The following ZNF770 variants were observed in gnomAD, a reference collection of about 807,000 sequenced individuals.
The protein encoded by ZNF770 is zinc finger protein 770.
ZNF770 carries 13 observed loss-of-function variants against 44.8 expected under a neutral mutation model. The observed-to-expected ratio is 0.29, with a 90% CI of 0.19 to 0.46. ZNF770 has a LOEUF of 0.46. Ranked by LOEUF, ZNF770 falls within the 20% of genes least tolerant of loss-of-function variation. The pLI is 1.00. For missense variants in ZNF770, 681 were observed against 797.9 expected (o/e 0.85, Z 1.77); for synonymous variants, 304 against 271.8 (o/e 1.12, Z -1.17).
In ZNF770 at chr15:34,980,857, CA is replaced by C. The variant is rs35830261; in HGVS notation, c.*501del. 0.24 allele frequency: 31,170 copies of C among 129,242 alleles called. 3,474 individuals are homozygous for C. The highest frequency in any genetic ancestry group is 0.33 in the African/African-American group (12,670 of 38,820). 8.0% of individuals were successfully genotyped at this position (129,242 alleles called of 1,614,324 possible). On this transcript the variant is annotated 3_prime_UTR_variant, in exon 3 of 3. Transcript: ENST00000356321. ...GTGTCTCTGTAGTTTTTTTAACTTA[CA>C]AAAAAAAAAAAAAAATTACCAATGC...
chr15:34,984,224 A>T (rs1053586523), intron 2 of ZNF770, among the ~76,000 whole-genome samples: 1 of 152,248 alleles, frequency 6.6e-6, no homozygotes, highest in Admixed American at 6.5e-5. Flanking sequence ...ATGTGCTAAA[A>T]AACAGTGAAG....
chr15:34,986,904 C>T (rs1330037545), intron 2 of ZNF770, among the ~76,000 whole-genome samples: 1 of 152,220 alleles, frequency 6.6e-6, no homozygotes, highest in Non-Finnish European at 1.5e-5. Context: ...AGGGCAAGTC[C>T]TTGACTGCAA....
Position 34,987,682 on chromosome 15 carries a change from AACAC to A in ZNF770, c.-173-13_-173-10del, listed in dbSNP as rs2050444191. The stretch of plus-strand genomic sequence containing the variant: ...AACAAGAAATGAAAGACCTAAGAGA[AACAC>A]ACACAACTTTCAGTTGGGGAATAAT... On this transcript the variant is annotated splice_polypyrimidine_tract_variant and intron_variant, in intron 1 of 2. Coordinates refer to ENST00000356321, the MANE Select transcript of ZNF770 (RefSeq NM_014106.4). The A allele has an allele frequency of 1.3e-5, 2 of 152,356 alleles. No individual in the cohort carries two copies. The highest frequency in any genetic ancestry group is 4.1e-4 in the South Asian group (2 of 4,828). The allele number at this position is 152,356 out of a possible 1,614,324, so 9.4% of individuals were successfully genotyped here. A position where few individuals can be genotyped will look rare whatever the true frequency, so the allele number is the denominator to read the frequency against.
rs2050396039 is a variant in ZNF770 at position 34,980,764 on chromosome 15, A to C, written c.*595T>G. 1 of 152,044 alleles carries C rather than the reference A, an allele frequency of 6.6e-6. No individual in the cohort carries two copies. Among genetic ancestry groups the C allele is most frequent in the Admixed American group, 6.6e-5 (1 of 15,248 alleles). The allele number at this position is 152,044 out of a possible 1,614,324, so 9.4% of individuals were successfully genotyped here. On this transcript the variant is annotated 3_prime_UTR_variant, in exon 3 of 3. Coordinates refer to ENST00000356321, the MANE Select transcript of ZNF770 (RefSeq NM_014106.4). ...TGCACTCTAGCCTGGCGAAAGAGTG[A>C]GACTCCATCTCAAAAAAAAAGACCA...
At position 34,983,076 on chromosome 15, in the gene ZNF770, G is replaced by A. The variant is rs149268915; in HGVS notation, c.359C>T (p.Ala120Val). 1.9e-6 allele frequency: 3 copies of A among 1,613,988 alleles called. No homozygotes were observed. The highest frequency in any genetic ancestry group is 1.7e-5 in the Admixed American group (1 of 60,008). ...NVKQVRRLLEAKQEKSMYGVY... is the reference protein window; with the variant it reads ...NVKQVRRLLEVKQEKSMYGVY... ...TCCATACATTGACTTTTCTTGCTTG[G>A]CCTCCAGCAATCTTCTGACCTGTTT... is the stretch of plus-strand genomic sequence containing the variant. The change falls in exon 3 of 3, where the codon GCC (alanine) becomes GTC (valine). Residue 120 changes from alanine to valine, a missense_variant. By Grantham distance (64) the Ala-to-Val change is moderately conservative (BLOSUM62 0). Transcript: ENST00000356321.
In ZNF770 at chr15:34,986,026, T is replaced by C. The variant is rs77118074; in HGVS notation, c.-57+1531A>G. On this transcript the variant is annotated intron_variant, in intron 2 of 2. Coordinates refer to ENST00000356321, the MANE Select transcript of ZNF770 (RefSeq NM_014106.4). Reference sequence around the variant, plus strand: ...CTGTAGGAAGAAGTAAAAAAGTTTATGAAAGCTGTTCTTAACATGCCTCTT... The same window carrying C: ...CTGTAGGAAGAAGTAAAAAAGTTTACGAAAGCTGTTCTTAACATGCCTCTT... Among the ~76,000 whole-genome samples, 539 of 152,186 alleles carry C rather than the reference T, an allele frequency of 3.5e-3. 2 individuals are homozygous for C. Among genetic ancestry groups the C allele is most frequent in the South Asian group, 6.8e-3 (33 of 4,824 alleles).
At position 34,981,206 on chromosome 15, in the gene ZNF770, T is replaced by C. The variant is rs1249788578; in HGVS notation, c.*153A>G. On this transcript the variant is annotated 3_prime_UTR_variant, in exon 3 of 3. Transcript: ENST00000356321. ...TGTTTCTAAAACATTGTATTAATTT[T>C]CTATGTATTCTACCTCCTTACTATG... 3.4e-5 allele frequency: 25 copies of C among 728,394 alleles called. No homozygotes were observed. Among genetic ancestry groups the C allele is most frequent in the Non-Finnish European group, 5.4e-5 (25 of 466,448 alleles). 45.1% of individuals were successfully genotyped at this position (728,394 alleles called of 1,614,324 possible).
At chr15:34,985,679 A>T (rs1394045244) in intron 2 of ZNF770, among the ~76,000 whole-genome samples, 1 of 152,100 alleles carries the variant, frequency 6.6e-6, no homozygotes, top group Non-Finnish European at 1.5e-5. Context: ...GGATCACCTG[A>T]GGTCAGGAGT....
intron 2 of ZNF770, 109 bp downstream of exon 2, chr15:34,987,448 T>G (rs1385745881): frequency 6.6e-6 from 1 of 152,222 alleles, no homozygotes; most frequent in Admixed American, 6.5e-5. Flanking sequence ...TTTTCTTATC[T>G]TAAACTGAAA....
intron 2 of ZNF770, among the ~76,000 whole-genome samples, chr15:34,986,811 C>CT (rs2050437801): frequency 2.0e-5 from 3 of 152,100 alleles, no homozygotes; most frequent in Admixed American, 2.0e-4. Flanking sequence ...GTCTTAGCCA[C>CT]GGTCCTTCCT....
chr15:34,980,120 AC>A lies in ZNF770; in HGVS notation c.*1238del, dbSNP rs1471906396. On this transcript the variant is annotated 3_prime_UTR_variant, in exon 3 of 3. Coordinates refer to ENST00000356321, the MANE Select transcript of ZNF770 (RefSeq NM_014106.4). ...TCATTGCCATTTGATCAAACTTAGA[AC>A]AGGCTTAAATAACAGAACCACTCCA... 6.5e-6 allele frequency: 1 copy of A among 154,554 alleles called. No homozygotes were observed. Among genetic ancestry groups the A allele is most frequent in the African/African-American group, 2.4e-5 (1 of 41,480 alleles). The allele number at this position is 154,554 out of a possible 1,614,324, so 9.6% of individuals were successfully genotyped here.
In ZNF770 at chr15:34,979,657, C is replaced by G; in HGVS notation, c.*1702G>C. 1 of 449,092 alleles carries G rather than the reference C, an allele frequency of 2.2e-6. No homozygotes were observed. The allele number at this position is 449,092 out of a possible 1,614,324, so 27.8% of individuals were successfully genotyped here. ...CAAGCAGATCACCCCCACCTACTATCCCTCCCGCCTCCCCCCTGTCAAAAG... is the reference window on the plus strand; with the variant it reads ...CAAGCAGATCACCCCCACCTACTATGCCTCCCGCCTCCCCCCTGTCAAAAG... On this transcript the variant is annotated 3_prime_UTR_variant, in exon 3 of 3. Transcript: ENST00000356321.
rs534498836 is a variant in ZNF770, at chr15:34,986,845, C to T, written c.-57+712G>A. 5.3e-5 allele frequency among the ~76,000 whole-genome samples: 8 copies of T among 152,278 alleles called. No individual in the cohort carries two copies. In the South Asian group the frequency reaches 1.7e-3, roughly 32 times the overall value. On this transcript the variant is annotated intron_variant, in intron 2 of 2. Coordinates refer to ENST00000356321, the MANE Select transcript of ZNF770 (RefSeq NM_014106.4). ...CTAGGAGGGCCTCCAAATGGAGGTA[C>T]CCAGGCTAGGAAAGAAGTTATGGGA...
intron 2 of ZNF770, among the ~76,000 whole-genome samples, chr15:34,984,948 C>T (rs369832456): frequency 2.6e-5 from 4 of 152,078 alleles, no homozygotes; most frequent in South Asian, 4.2e-4. Context: ...GCCTGAACAA[C>T]GTGGCAAAAC....
chr15:34,985,857 A>C (rs2140523177), intron 2 of ZNF770, among the ~76,000 whole-genome samples: 1 of 152,202 alleles, frequency 6.6e-6, no homozygotes, highest in South Asian at 2.1e-4. Context: ...AGATTGCACC[A>C]CCACACTCCA....
rs752020185 is a variant in ZNF770, at chr15:34,982,486, C to G, written c.949G>C (p.Ala317Pro). 1 of 1,613,938 alleles carries G rather than the reference C, an allele frequency of 6.2e-7. No homozygotes were observed. The highest frequency in any genetic ancestry group is 8.5e-7 in the Non-Finnish European group (1 of 1,179,932). ...QILNEHSCFA[A>P]RSGKIPSRFK... Reference sequence around the variant, plus strand: ...CTGCTTGGAATTTTGCCACTTCTAGCAGCAAAACAGCTGTGTTCATTGAGA... The same window carrying G: ...CTGCTTGGAATTTTGCCACTTCTAGGAGCAAAACAGCTGTGTTCATTGAGA... The change falls in exon 3 of 3, where the codon GCT becomes CCT. Residue 317 changes from alanine (A) to proline (P), a missense_variant. By Grantham distance (27) the Ala-to-Pro change is conservative (BLOSUM62 -1). Around this residue, in one of 5 missense-constraint regions of ZNF770, gnomAD observed 432 missense variants for 434.1 expected, o/e 1.00. Coordinates refer to ENST00000356321, the MANE Select transcript of ZNF770 (RefSeq NM_014106.4).
chr15:34,986,081 C>G (rs749359810), intron 2 of ZNF770, among the ~76,000 whole-genome samples: 84 of 152,072 alleles, frequency 5.5e-4, no homozygotes, highest in Middle Eastern at 6.8e-3. Flanking sequence ...TACAACAAAT[C>G]GACCACTTTA....
At position 34,983,219 on chromosome 15, in the gene ZNF770, C is replaced by A; in HGVS notation, c.216G>T (p.Arg72Ser). ...AAGGCAGACTATGAGTTAGTTGATG[C>A]CTCTCCAGATGAACTAGTTGTCTAA... ...KTFRQLVHLE[R>S]HQLTHSLPFK... Residue 72 changes from arginine (R) to serine (S), a missense_variant, in exon 3 of 3, where the codon AGG becomes AGT. Around this residue, in one of 5 missense-constraint regions of ZNF770, gnomAD observed 65 missense variants for 115.0 expected, o/e 0.57. Coordinates refer to ENST00000356321, the MANE Select transcript of ZNF770 (RefSeq NM_014106.4). 6.2e-7 allele frequency: 1 copy of A among 1,613,158 alleles called. No individual in the cohort carries two copies. The highest frequency in any genetic ancestry group is 8.5e-7 in the Non-Finnish European group (1 of 1,179,442).
rs1483501564 is a variant in ZNF770, at chr15:34,980,400, T to C, written c.*959A>G. The C allele has an allele frequency of 2.0e-5, 3 of 152,120 alleles. No individual in the cohort carries two copies. The East Asian group carries it at 5.8e-4, about 29-fold the overall frequency. The allele number at this position is 152,120 out of a possible 1,614,324, so 9.4% of individuals were successfully genotyped here. On this transcript the variant is annotated 3_prime_UTR_variant, in exon 3 of 3. Coordinates refer to ENST00000356321, the MANE Select transcript of ZNF770 (RefSeq NM_014106.4). ...GCCTCTCGCCTACTTTTAAATTATT[T>C]TGAGAAAGATAGCACTAGCTGGGAG...
Sources: gnomAD v4.1 joint callset for allele counts (sites outside exome capture counted in the v4.1 genomes callset) on GRCh38, gnomAD v4.1.1 for gene constraint, gnomAD v4.1.1 regional missense constraint, MANE v1.5 for transcripts, NCBI Gene and HGNC (gene_info 2026-07-23, HGNC 2026-07-21) for gene names.